RASSF8: variants seen among roughly 807,000 people sequenced by gnomAD.
The protein encoded by RASSF8 is ras association domain-containing protein 8.
A neutral mutation model predicts 48.5 loss-of-function variants in RASSF8; 22 were observed. The observed-to-expected ratio is 0.45, with a 90% CI of 0.32 to 0.65. The LOEUF (loss-of-function observed/expected upper bound fraction) is 0.65. Ranked by LOEUF, RASSF8 falls within the 30% of genes least tolerant of loss-of-function variation. The pLI, the probability that RASSF8 is intolerant of heterozygous loss-of-function variation, is 0.03. For missense variants in RASSF8, 418 were observed against 489.2 expected (o/e 0.85, Z 1.37); for synonymous variants, 127 against 171.5 (o/e 0.74, Z 2.03).
chr12:26,018,175 T>C (rs893918945), intron 2 of RASSF8, among the ~76,000 whole-genome samples: 1 of 152,238 alleles, frequency 6.6e-6, no homozygotes, highest in African/African-American at 2.4e-5. Flanking sequence ...GTTTACTTTT[T>C]TTAAAGGATT....
intron 2 of RASSF8, among the ~76,000 whole-genome samples, chr12:26,016,394 A>G (rs546636865): frequency 1.3e-5 from 2 of 152,200 alleles, no homozygotes; most frequent in South Asian, 2.1e-4. Context: ...GATCTTCCCA[A>G]TAATCTTTAA....
intron 2 of RASSF8, among the ~76,000 whole-genome samples, chr12:25,996,770 A>G (rs1994995): frequency 0.35 from 53,088 of 151,968 alleles, 10,436 homozygotes; most frequent in Non-Finnish European, 0.45. Context: ...TTTACCTAGC[A>G]TTGAGGTACA....
chr12:26,025,180 AAAG>A (rs1413707276), intron 2 of RASSF8, among the ~76,000 whole-genome samples: 1 of 152,190 alleles, frequency 6.6e-6, no homozygotes, highest in Non-Finnish European at 1.5e-5. Context: ...TGAAGATCAG[AAAG>A]AAGGATTTCC....
intron 1 of RASSF8, among the ~76,000 whole-genome samples, chr12:25,989,383 T>TC (rs547635934): frequency 4.9e-4 from 74 of 152,170 alleles, no homozygotes; most frequent in African/African-American, 1.7e-3. Context: ...TGTCTTTCTT[T>TC]CCCCCCACCC....
At chr12:26,015,143 G>A (rs1322809216) in intron 2 of RASSF8, among the ~76,000 whole-genome samples, 2 of 151,532 alleles carry the variant, frequency 1.3e-5, no homozygotes, top group African/African-American at 4.8e-5. Context: ...GGAAGTCGAG[G>A]CTTCAGTGAG....
intron 1 of RASSF8, among the ~76,000 whole-genome samples, chr12:25,960,550 A>G (rs1941206279): frequency 6.6e-6 from 1 of 152,244 alleles, no homozygotes; most frequent in African/African-American, 2.4e-5. Context: ...ACACATGACC[A>G]TCCCCCACTT....
chr12:26,054,226 T>A (rs1943553111), intron 2 of RASSF8, among the ~76,000 whole-genome samples: 1 of 151,440 alleles, frequency 6.6e-6, no homozygotes. Context: ...ATAGGAAGAG[T>A]TGAGAGTTTT....
chr12:26,075,119 T>G (rs1392402549), downstream of RASSF8, among the ~76,000 whole-genome samples: 1 of 152,118 alleles, frequency 6.6e-6, no homozygotes, highest in Non-Finnish European at 1.5e-5. Context: ...CGTAACAAAT[T>G]TTTATTGGGC....
intron 1 of RASSF8, among the ~76,000 whole-genome samples, chr12:25,984,449 T>C (rs1204796529): frequency 6.6e-6 from 1 of 151,212 alleles, no homozygotes; most frequent in African/African-American, 2.4e-5. Context: ...TTCAGGCAAT[T>C]CTCTGGCCTC....
At chr12:26,003,174 AT>A (rs1942302707) in intron 2 of RASSF8, among the ~76,000 whole-genome samples, 1 of 152,060 alleles carries the variant, frequency 6.6e-6, no homozygotes, top group Non-Finnish European at 1.5e-5. Context: ...GGGATGTTGA[AT>A]TTTATCAAAT....
At chr12:26,053,378 G>A (rs1328422749) in intron 2 of RASSF8, among the ~76,000 whole-genome samples, 39 of 151,988 alleles carry the variant, frequency 2.6e-4, no homozygotes, top group Admixed American at 2.6e-3. Context: ...TTAATCTTAG[G>A]CCATTTTTGA....
At chr12:25,993,379 AT>A (rs1448391555) in intron 1 of RASSF8, among the ~76,000 whole-genome samples, 7 of 152,222 alleles carry the variant, frequency 4.6e-5, no homozygotes, top group Non-Finnish European at 8.8e-5. Context: ...ATTCTCAGCT[AT>A]CTACTTCCCA....
chr12:26,004,268 C>A (rs1443459361), intron 2 of RASSF8, among the ~76,000 whole-genome samples: 2 of 152,188 alleles, frequency 1.3e-5, no homozygotes, highest in East Asian at 3.8e-4. Context: ...GATGAATATA[C>A]TGAACTCCTG....
At chr12:25,994,461 A>G (rs1326782115) in intron 1 of RASSF8, among the ~76,000 whole-genome samples, 1 of 152,210 alleles carries the variant, frequency 6.6e-6, no homozygotes, top group Non-Finnish European at 1.5e-5. Flanking sequence ...TGTTGTGGCA[A>G]AGTTTCACAT....
intron 1 of RASSF8, among the ~76,000 whole-genome samples, chr12:25,963,717 A>T (rs1379653313): frequency 6.6e-6 from 1 of 152,076 alleles, no homozygotes; most frequent in East Asian, 1.9e-4. Context: ...CTGGACCCTG[A>T]GGTTTCCGTA....
At chr12:26,047,331 C>T (rs1943393277) in intron 2 of RASSF8, among the ~76,000 whole-genome samples, 1 of 152,064 alleles carries the variant, frequency 6.6e-6, no homozygotes, top group Non-Finnish European at 1.5e-5. Context: ...AAGAACAGAC[C>T]ACACACAGTT....
chr12:25,984,223 G>GC lies in RASSF8; in HGVS notation c.-202-10813dup, dbSNP rs1379926278. 7.4e-5 allele frequency among the ~76,000 whole-genome samples: 9 copies of GC among 122,242 alleles called. No individual in the cohort carries two copies. In the South Asian group the frequency reaches 2.2e-3, roughly 30 times the overall value. 80.2% of individuals were successfully genotyped at this position (122,242 alleles called of 152,430 possible). ...CTACAGATGTGCACTGCTACACGTAGCTTTTTTTTTTTTTTTTTTTTTTTT... is the reference window on the plus strand; with the variant it reads ...CTACAGATGTGCACTGCTACACGTAGCCTTTTTTTTTTTTTTTTTTTTTTTT... On this transcript the variant is annotated intron_variant, in intron 1 of 5. Transcript: ENST00000689635.
At chr12:26,067,734 G>A in intron 5 of RASSF8, 21 bp downstream of exon 5, 2 of 1,612,954 alleles carry the variant, frequency 1.2e-6, no homozygotes, top group African/African-American at 1.3e-5. Context: ...GATAAATATG[G>A]TTTATTTTCC....
chr12:26,067,546 A>C (rs762127900), intron 4 of RASSF8, 23 bp from the exon 5 acceptor site: 5 of 1,587,346 alleles, frequency 3.1e-6, no homozygotes, highest in Admixed American at 3.5e-5. Flanking sequence ...CTCAAATTTA[A>C]AAAAATAATA....
Sources: allele counts gnomAD v4.1 joint callset (sites outside exome capture counted in the v4.1 genomes callset), GRCh38; gene constraint gnomAD v4.1.1; transcripts MANE v1.5; gene names NCBI Gene and HGNC (gene_info 2026-07-23, HGNC 2026-07-21).